Variants in WIPF1 observed in about 807,000 individuals in gnomAD.
The protein encoded by WIPF1 is WAS/WASL interacting protein family member 1.
WIPF1 carries 13 observed loss-of-function variants against 35.4 expected under a neutral mutation model. The observed-to-expected ratio is 0.37, with a 90% CI of 0.24 to 0.58. The LOEUF (loss-of-function observed/expected upper bound fraction) is 0.58. WIPF1 is among the 20% of genes least tolerant of loss of function. The pLI, the probability that WIPF1 is intolerant of heterozygous loss-of-function variation, is 0.74. For synonymous variants in WIPF1, 267 were observed against 266.3 expected (o/e 1.00, Z -0.02); for missense variants, 591 against 667.0 (o/e 0.89, Z 1.25).
chr2:174,585,657 A>C (rs2105842035), intron 1 of WIPF1, 46 bp from the exon 2 acceptor site: 1 of 1,352,606 alleles, frequency 7.4e-7, no homozygotes, highest in Non-Finnish European at 1.0e-6. Flanking sequence ...AATCTTAGTA[A>C]TACTGTCCTA....
At chr2:174,577,732 T>C (rs1046612867) in intron 3 of WIPF1, among the ~76,000 whole-genome samples, 4 of 152,040 alleles carry the variant, frequency 2.6e-5, no homozygotes, top group Admixed American at 2.6e-4. Context: ...TCAGGACCAG[T>C]CTGAGCAATA....
chr2:174,634,675 T>G (rs563062080), intron 1 of WIPF1: 1 of 152,236 alleles, frequency 6.6e-6, no homozygotes, highest in Non-Finnish European at 1.5e-5. Flanking sequence ...ATAAGATCAA[T>G]TTGCTGCTTG....
chr2:174,640,439 C>T (rs964116527), intron 1 of WIPF1, among the ~76,000 whole-genome samples: 2 of 147,410 alleles, frequency 1.4e-5, no homozygotes, highest in Non-Finnish European at 1.5e-5. Context: ...GCATGGCACA[C>T]GTATACATAT....
At position 174,591,506 on chromosome 2, in the gene WIPF1, T is replaced by C. The variant is rs574453942; in HGVS notation, c.-38-5895A>G. ...GCCAAAGGTTTATTTAATAAGTGAA[T>C]GAATCATTCAAAAATAATGAAATTT... On this transcript the variant is annotated intron_variant, in intron 1 of 7. Transcript: ENST00000679041. 3.3e-5 allele frequency among the ~76,000 whole-genome samples: 5 copies of C among 152,270 alleles called. No individual in the cohort carries two copies. The South Asian group carries it at 1.0e-3, about 32-fold the overall frequency.
chr2:174,639,232 T>C (rs1045777817), intron 1 of WIPF1, among the ~76,000 whole-genome samples: 2 of 152,216 alleles, frequency 1.3e-5, no homozygotes, highest in Admixed American at 1.3e-4. Context: ...ATGTCTTCTT[T>C]TGAGAAATGT....
At chr2:174,643,044 GATC>G (rs1298766589) in intron 1 of WIPF1, among the ~76,000 whole-genome samples, 4 of 149,294 alleles carry the variant, frequency 2.7e-5, no homozygotes, top group Non-Finnish European at 4.4e-5. Context: ...TATTTAGAAG[GATC>G]ATACCTTAAT....
intron 1 of WIPF1, among the ~76,000 whole-genome samples, chr2:174,661,041 T>C (rs1216678302): frequency 6.6e-6 from 1 of 152,204 alleles, no homozygotes; most frequent in Non-Finnish European, 1.5e-5. Flanking sequence ...TTCCCTGCAT[T>C]GCACTGCAGT....
At chr2:174,609,711 A>C (rs1443742800) in intron 1 of WIPF1, among the ~76,000 whole-genome samples, 1 of 152,230 alleles carries the variant, frequency 6.6e-6, no homozygotes, top group Non-Finnish European at 1.5e-5. Context: ...GCATTAGAAA[A>C]TACTGTTATT....
Position 174,680,370 on chromosome 2 carries a change from T to C in WIPF1, c.-39+2404A>G, listed in dbSNP as rs181594407. ...AAGCCTACCAAGCCTTCAAGAACCATGGTATAATTGTGGCTTGCTGGGAAA... is the reference window on the plus strand; with the variant it reads ...AAGCCTACCAAGCCTTCAAGAACCACGGTATAATTGTGGCTTGCTGGGAAA... On this transcript the variant is annotated intron_variant, in intron 1 of 8. Coordinates refer to the WIPF1 transcript ENST00000272746. Among the ~76,000 whole-genome samples the C allele has an allele frequency of 4.6e-5, 7 of 152,180 alleles. No individual in the cohort carries two copies. In the East Asian group the frequency reaches 1.2e-3, roughly 25 times the overall value.
chr2:174,585,555 G>C lies in WIPF1; in HGVS notation c.19C>G (p.Pro7Ala), dbSNP rs755493514. ...AACGTCGGGGGCGGCGGGGGTGCTG[G>C]AGGGGGAGGGACAGGCATCTTGGGC... is the stretch of plus-strand genomic sequence containing the variant. The part of the protein sequence containing the change: MPVPPP[P>A]APPPPPTFAL... The change falls in exon 2 of 8, where the codon CCA (proline) becomes GCA (alanine). Residue 7 changes from proline (P) to alanine (A), a missense_variant. This residue lies in a region of WIPF1 where 471 missense variants were observed against 501.1 expected (regional missense o/e 0.94). Coordinates refer to ENST00000679041, the MANE Select transcript of WIPF1 (RefSeq NM_001375834.1). The C allele has an allele frequency of 1.9e-6, 3 of 1,611,356 alleles. No homozygotes were observed. The East Asian group carries it at 6.7e-5, about 36-fold the overall frequency.
chr2:174,646,847 T>A (rs1687420284), intron 1 of WIPF1, among the ~76,000 whole-genome samples: 1 of 152,168 alleles, frequency 6.6e-6, no homozygotes. Context: ...ACTCCTGGGC[T>A]CAAGCAATCT....
chr2:174,563,822 G>T (rs1684561625), intron 7 of WIPF1, among the ~76,000 whole-genome samples: 1 of 152,126 alleles, frequency 6.6e-6, no homozygotes, highest in African/African-American at 2.4e-5. Context: ...CCTCAAGTAG[G>T]CATCTTGATA....
At chr2:174,602,463 A>T (rs1686039501), upstream of WIPF1, among the ~76,000 whole-genome samples, 1 of 152,220 alleles carries the variant, frequency 6.6e-6, no homozygotes, top group African/African-American at 2.4e-5. Context: ...GGTGTTTTAT[A>T]ATACTGCATC....
At chr2:174,624,228 T>C (rs1686756869) in intron 1 of WIPF1, among the ~76,000 whole-genome samples, 1 of 152,198 alleles carries the variant, frequency 6.6e-6, no homozygotes, top group South Asian at 2.1e-4. Flanking sequence ...TGGTTAGATG[T>C]AATAACCACA....
rs777727696 is a variant in WIPF1 at position 174,575,201 on chromosome 2, T to C, written c.358+3A>G. On this transcript the variant is annotated splice_donor_region_variant and intron_variant, in intron 4 of 7. Coordinates refer to ENST00000679041, the MANE Select transcript of WIPF1 (RefSeq NM_001375834.1). Reference sequence around the variant, plus strand: ...CACTCAGAGACAGGGAAACTCTCCTTACCATTATCCCTGTTGGCCGTGGAT... The same window carrying C: ...CACTCAGAGACAGGGAAACTCTCCTCACCATTATCCCTGTTGGCCGTGGAT... The C allele has an allele frequency of 6.2e-7, 1 of 1,605,554 alleles. No individual in the cohort carries two copies. The highest frequency in any genetic ancestry group is 2.2e-5 in the East Asian group (1 of 44,760).
At chr2:174,583,812 A>G (rs1685313123) in intron 2 of WIPF1, among the ~76,000 whole-genome samples, 1 of 152,064 alleles carries the variant, frequency 6.6e-6, no homozygotes, top group Non-Finnish European at 1.5e-5. Flanking sequence ...TGAAGGACCA[A>G]CTTTTTTTTT....
In WIPF1 at chr2:174,670,916, C is replaced by T. The variant is rs180874720; in HGVS notation, c.-39+11858G>A. Among the ~76,000 whole-genome samples the T allele has an allele frequency of 5.1e-4, 78 of 152,290 alleles. 1 individual carries two copies. Among genetic ancestry groups the T allele is most frequent in the African/African-American group, 1.9e-3 (77 of 41,566 alleles). On this transcript the variant is annotated intron_variant, in intron 1 of 8. Transcript: ENST00000272746. ...ACTGTACAAAGTATTCATTAGTTAG[C>T]GACGACCTCTGCCTTCTATGAAGCT... is the stretch of plus-strand genomic sequence containing the variant.
chr2:174,637,681 G>A (rs973581556), intron 1 of WIPF1, among the ~76,000 whole-genome samples: 11 of 152,220 alleles, frequency 7.2e-5, no homozygotes, highest in African/African-American at 2.7e-4. Flanking sequence ...CAGCTACTTG[G>A]GAGGCTGAGG....
At chr2:174,636,427 A>G (rs1687183488) in intron 1 of WIPF1, among the ~76,000 whole-genome samples, 1 of 152,236 alleles carries the variant, frequency 6.6e-6, no homozygotes, top group Admixed American at 6.5e-5. Flanking sequence ...CTGAGAAGAC[A>G]GTACAGAGTT....
Sources: gnomAD v4.1 joint callset for allele counts (sites outside exome capture counted in the v4.1 genomes callset) on GRCh38, gnomAD v4.1.1 for gene constraint, gnomAD v4.1.1 regional missense constraint, MANE v1.5 for transcripts, NCBI Gene and HGNC (gene_info 2026-07-23, HGNC 2026-07-21) for gene names.